Variants in PPP1R9A observed in about 807,000 individuals in gnomAD.
PPP1R9A encodes neurabin-1.
In PPP1R9A, 59 loss-of-function variants were observed where a neutral mutation model predicts 141.9. That is an observed-to-expected ratio of 0.42 (90% CI 0.34 to 0.52). The LOEUF (loss-of-function observed/expected upper bound fraction) is 0.52. Among genes scored for constraint, PPP1R9A ranks in the 20% least tolerant of loss-of-function variants. The pLI is 0.10. For missense variants in PPP1R9A, 1,444 were observed against 1,611.9 expected (o/e 0.90, Z 1.78); for synonymous variants, 500 against 569.7 (o/e 0.88, Z 1.74).
intron 2 of PPP1R9A, among the ~76,000 whole-genome samples, chr7:95,050,888 T>C (rs933410190): frequency 1.3e-5 from 2 of 152,270 alleles, no homozygotes. Flanking sequence ...TTAAATTTTC[T>C]TCTTCCTGCT....
At chr7:94,968,068 A>G (rs556762492) in intron 2 of PPP1R9A, among the ~76,000 whole-genome samples, 18 of 152,180 alleles carry the variant, frequency 1.2e-4, no homozygotes, top group Non-Finnish European at 1.9e-4. Flanking sequence ...GGTCTCTAAG[A>G]ACTTGCTTTA....
chr7:95,032,473 C>T (rs1437695112), intron 2 of PPP1R9A, among the ~76,000 whole-genome samples: 2 of 152,052 alleles, frequency 1.3e-5, no homozygotes, highest in African/African-American at 2.4e-5. Flanking sequence ...TGAATCATTT[C>T]CCCCAAATCT....
intron 2 of PPP1R9A, among the ~76,000 whole-genome samples, chr7:94,975,595 A>AT (rs371995358): frequency 1.2e-4 from 18 of 148,088 alleles, no homozygotes; most frequent in South Asian, 2.1e-4. Flanking sequence ...CTCAGAACAC[A>AT]TTTTTTTTTT....
intron 2 of PPP1R9A, among the ~76,000 whole-genome samples, chr7:95,028,478 A>G (rs536403202): frequency 4.7e-4 from 72 of 152,286 alleles, no homozygotes; most frequent in South Asian, 8.3e-4. Flanking sequence ...TTAACACAAC[A>G]CATTTTATTA....
chr7:95,103,277 A>C (rs985811763), intron 2 of PPP1R9A, among the ~76,000 whole-genome samples: 3 of 151,564 alleles, frequency 2.0e-5, no homozygotes, highest in African/African-American at 7.3e-5. Context: ...AAACCTTGAC[A>C]AACGTAGGCT....
intron 5 of PPP1R9A, chr7:95,176,362 A>T (rs1004984069): frequency 2.0e-5 from 3 of 152,202 alleles, no homozygotes; most frequent in Admixed American, 6.6e-5. Flanking sequence ...AACAGCCTTC[A>T]GCCTTAGACC....
At chr7:94,973,006 T>A in intron 2 of PPP1R9A, among the ~76,000 whole-genome samples, 1 of 152,156 alleles carries the variant, frequency 6.6e-6, no homozygotes, top group East Asian at 1.9e-4. Context: ...AATAATGACT[T>A]CCTGGACACA....
At chr7:95,241,300 G>A (rs1414863349) in intron 8 of PPP1R9A, among the ~76,000 whole-genome samples, 1 of 152,174 alleles carries the variant, frequency 6.6e-6, no homozygotes, top group Admixed American at 6.5e-5. Context: ...TACTGAGGAA[G>A]TTAGAGAGCC....
intron 5 of PPP1R9A, among the ~76,000 whole-genome samples, chr7:95,192,927 C>T (rs373291565): frequency 3.3e-5 from 5 of 151,996 alleles, no homozygotes; most frequent in South Asian, 2.1e-4. Context: ...CACTTAAGAA[C>T]GTATAGGAAG....
chr7:95,025,075 C>T (rs1260863331), intron 2 of PPP1R9A, among the ~76,000 whole-genome samples: 1 of 151,434 alleles, frequency 6.6e-6, no homozygotes, highest in African/African-American at 2.4e-5. Context: ...GGTTGAAAAT[C>T]CTTTTTTTTT....
At chr7:95,117,794 G>A (rs923605331) in intron 3 of PPP1R9A, among the ~76,000 whole-genome samples, 7 of 152,024 alleles carry the variant, frequency 4.6e-5, no homozygotes, top group African/African-American at 1.7e-4. Context: ...GAGAAACCCT[G>A]TGAGTATAAT....
chr7:95,145,518 T>C (rs1827444837), intron 4 of PPP1R9A, among the ~76,000 whole-genome samples: 2 of 152,202 alleles, frequency 1.3e-5, no homozygotes, highest in African/African-American at 4.8e-5. Context: ...GTAGCAAATA[T>C]TGTAGATATT....
chr7:94,984,786 C>T (rs567397563), intron 2 of PPP1R9A, among the ~76,000 whole-genome samples: 6 of 152,140 alleles, frequency 3.9e-5, no homozygotes, highest in African/African-American at 1.4e-4. Context: ...AAAGCAGCTC[C>T]TGGATTCATT....
At chr7:95,261,287 T>G (rs1800392310) in intron 12 of PPP1R9A, among the ~76,000 whole-genome samples, 2 of 152,322 alleles carry the variant, frequency 1.3e-5, no homozygotes, top group Non-Finnish European at 2.9e-5. Flanking sequence ...AATTCTGCTC[T>G]GTGTATGGTT....
Position 95,288,654 on chromosome 7 carries a change from C to T in PPP1R9A, c.3848C>T (p.Ser1283Phe), listed in dbSNP as rs1334853476. The change falls in exon 19 of 20, where the codon TCT becomes TTT. Residue 1283 changes from serine to phenylalanine, a missense_variant. Ser to Phe is a radical substitution (Grantham distance 155). Around this residue, in one of 5 missense-constraint regions of PPP1R9A, gnomAD observed 459 missense variants for 513.8 expected, o/e 0.89. Transcript: ENST00000433360. ...LMSLNLEQYV[S>F]EFSAQNITGE... ...AGCCTAAATCTGGAGCAGTATGTAT[C>T]TGAATTCAGTGCCCAAAACATCACT... is the stretch of plus-strand genomic sequence containing the variant. The T allele has an allele frequency of 6.2e-7, 1 of 1,613,988 alleles. No individual in the cohort carries two copies. The highest frequency in any genetic ancestry group is 2.2e-5 in the East Asian group (1 of 44,884).
At chr7:95,253,975 A>G (rs1799240546) in intron 12 of PPP1R9A, among the ~76,000 whole-genome samples, 1 of 152,042 alleles carries the variant, frequency 6.6e-6, no homozygotes, top group Non-Finnish European at 1.5e-5. Flanking sequence ...CATATAATTA[A>G]TGGTGTTTAT....
At chr7:94,937,459 T>A (rs754522972) in intron 2 of PPP1R9A, among the ~76,000 whole-genome samples, 1 of 152,204 alleles carries the variant, frequency 6.6e-6, no homozygotes, top group Non-Finnish European at 1.5e-5. Flanking sequence ...AGTCTTGGCC[T>A]GTCTTTTACA....
chr7:94,994,654 G>T (rs1801934963), intron 2 of PPP1R9A, among the ~76,000 whole-genome samples: 2 of 152,066 alleles, frequency 1.3e-5, no homozygotes, highest in Non-Finnish European at 1.5e-5. Flanking sequence ...CCAGCACTTT[G>T]GGAGGCTGAG....
chr7:95,207,143 C>T (rs956978306), intron 7 of PPP1R9A, among the ~76,000 whole-genome samples: 21 of 150,540 alleles, frequency 1.4e-4, no homozygotes, highest in African/African-American at 3.7e-4. Flanking sequence ...TATGAGTTGA[C>T]GGTTTCAAGG....
Sources: gnomAD v4.1 joint callset for allele counts (sites outside exome capture counted in the v4.1 genomes callset) on GRCh38, gnomAD v4.1.1 for gene constraint, gnomAD v4.1.1 regional missense constraint, MANE v1.5 for transcripts, NCBI Gene and HGNC (gene_info 2026-07-23, HGNC 2026-07-21) for gene names.